MREG: variants seen among roughly 807,000 people sequenced by gnomAD.
The protein encoded by MREG is dilute suppressor protein homolog.
Under a neutral mutation model 28.5 loss-of-function variants are expected in MREG, and 31 were observed. The ratio of observed to expected loss-of-function variants is 1.09; its 90% CI spans 0.82 to 1.47. MREG has a LOEUF of 1.47. Ranked by LOEUF, MREG falls within the 40% of genes most tolerant of loss-of-function variation. The pLI is 0.00. For synonymous variants in MREG, 106 were observed against 95.2 expected (o/e 1.11, Z -0.66); for missense variants, 256 against 257.4 (o/e 0.99, Z 0.04).
chr2:215,996,243 G>T, intron 2 of MREG, 63 bp downstream of exon 2: 1 of 1,475,172 alleles, frequency 6.8e-7, no homozygotes, highest in South Asian at 1.4e-5. Flanking sequence ...GATCTTCTCA[G>T]GAATTACTAT....
Position 216,013,336 on chromosome 2 carries a change from AG to A in MREG, c.-10del, listed in dbSNP as rs140115361. 2.8e-4 allele frequency: 427 copies of A among 1,516,874 alleles called. 3 individuals carry two copies. In the African/African-American group the frequency reaches 5.6e-3, roughly 20 times the overall value. The allele number at this position is 1,516,874 out of a possible 1,614,324, so 94.0% of individuals were successfully genotyped here. On this transcript the variant is annotated 5_prime_UTR_variant, in exon 1 of 5. Transcript: ENST00000263268. ...CAGTCCCTCAGCCCCATGGAGAGCG[AG>A]GGCCCCCACCGGCGCCGGAAGCCTG...
intron 2 of MREG, among the ~76,000 whole-genome samples, chr2:215,984,201 G>A (rs879595266): frequency 1.3e-5 from 2 of 152,132 alleles, no homozygotes; most frequent in Non-Finnish European, 2.9e-5. Flanking sequence ...CAGATCTCAT[G>A]ACACTTATTC....
intron 2 of MREG, among the ~76,000 whole-genome samples, chr2:215,978,354 A>G (rs1295131037): frequency 6.6e-6 from 1 of 152,232 alleles, no homozygotes; most frequent in Non-Finnish European, 1.5e-5. Context: ...ATCTCTGAAT[A>G]GACCACTAAC....
chr2:215,946,896 A>G (rs1692337668), intron 3 of MREG, 127 bp downstream of exon 3: 1 of 632,404 alleles, frequency 1.6e-6, no homozygotes. Flanking sequence ...TGGGAGAATA[A>G]TTAGTACACA....
At chr2:215,950,818 C>T (rs1007863100) in intron 2 of MREG, among the ~76,000 whole-genome samples, 2 of 152,044 alleles carry the variant, frequency 1.3e-5, no homozygotes, top group South Asian at 4.2e-4. Flanking sequence ...GCTCTGTGTC[C>T]CCACCCAAAT....
Position 216,013,273 on chromosome 2 carries a change from A to C in MREG, c.55T>G (p.Leu19Val). 1 of 1,549,814 alleles carries C rather than the reference A, an allele frequency of 6.5e-7. No individual in the cohort carries two copies. Among genetic ancestry groups the C allele is most frequent in the Admixed American group, 2.0e-5 (1 of 50,992 alleles). ...TTCTCAGGCAGGGCGCGCTCCTCCAAGCACTCGCACCCGCAGCAGCAGCAC... is the reference window on the plus strand; with the variant it reads ...TTCTCAGGCAGGGCGCGCTCCTCCACGCACTCGCACCCGCAGCAGCAGCAC... The part of the protein sequence containing the change: ...TVCCCCGCEC[L>V]EERALPEKEP... Residue 19 changes from leucine (L) to valine (V), a missense_variant, in exon 1 of 5, where the codon TTG becomes GTG. Physicochemically the swap from Leu to Val is conservative, Grantham distance 32. Transcript: ENST00000263268.
At position 215,991,444 on chromosome 2, in the gene MREG, G is replaced by C. The variant is rs547316226; in HGVS notation, c.255+4862C>G. Among the ~76,000 whole-genome samples the C allele has an allele frequency of 3.9e-5, 6 of 152,232 alleles. No homozygotes were observed. In the South Asian group the frequency reaches 1.2e-3, roughly 32 times the overall value. On this transcript the variant is annotated intron_variant, in intron 2 of 4. Coordinates refer to ENST00000263268, the MANE Select transcript of MREG (RefSeq NM_018000.3). ...AATGTGCATAGGAGAAAGCAGGAAA[G>C]ACCTAAAATTGACACCCTAACATCA... is the stretch of plus-strand genomic sequence containing the variant.
intron 1 of MREG, among the ~76,000 whole-genome samples, chr2:216,018,847 A>G (rs1236786881): frequency 6.6e-6 from 1 of 152,244 alleles, no homozygotes; most frequent in African/African-American, 2.4e-5. Context: ...TAGGCTGGCT[A>G]TAACAATGAA....
intron 2 of MREG, among the ~76,000 whole-genome samples, chr2:215,972,190 T>G (rs1181678402): frequency 6.6e-6 from 1 of 152,194 alleles, no homozygotes; most frequent in African/African-American, 2.4e-5. Flanking sequence ...ATGATGAGGC[T>G]GCTCCAACTC....
At chr2:215,967,620 C>A (rs1692978185) in intron 2 of MREG, among the ~76,000 whole-genome samples, 2 of 152,150 alleles carry the variant, frequency 1.3e-5, no homozygotes, top group Non-Finnish European at 2.9e-5. Context: ...AAAATTAAAT[C>A]CACACAGTCA....
chr2:216,012,794 T>G (rs996735561), intron 1 of MREG, among the ~76,000 whole-genome samples: 2 of 152,206 alleles, frequency 1.3e-5, no homozygotes, highest in African/African-American at 4.8e-5. Context: ...GGAATCGTCT[T>G]CGTTGGGTAA....
intron 2 of MREG, among the ~76,000 whole-genome samples, chr2:215,951,451 C>T (rs1250856616): frequency 6.6e-6 from 1 of 152,166 alleles, no homozygotes; most frequent in African/African-American, 2.4e-5. Flanking sequence ...TGCAATTCTA[C>T]CAGACATCAA....
chr2:215,968,414 T>C (rs1324545623), intron 2 of MREG, among the ~76,000 whole-genome samples: 1 of 152,218 alleles, frequency 6.6e-6, no homozygotes, highest in Non-Finnish European at 1.5e-5. Flanking sequence ...AAAATACACA[T>C]GAAAGAAAGG....
rs58288878 is a variant in MREG at position 216,005,444 on chromosome 2, C to CTTTTTTT, written c.95+7782_95+7788dup. Among the ~76,000 whole-genome samples the CTTTTTTT allele has an allele frequency of 8.1e-5, 7 of 86,306 alleles. 1 individual carries two copies. Among genetic ancestry groups the CTTTTTTT allele is most frequent in the Non-Finnish European group, 1.7e-4 (7 of 41,436 alleles). 56.6% of individuals were successfully genotyped at this position (86,306 alleles called of 152,430 possible). On this transcript the variant is annotated intron_variant, in intron 1 of 4. Transcript: ENST00000263268. The stretch of plus-strand genomic sequence containing the variant: ...CACGAGTATTCACTTTCTAGTTATT[C>CTTTTTTT]TTTTTTTTTTTTTTTTTTTTTTTTT...
chr2:215,973,588 T>C (rs994791577), intron 2 of MREG, among the ~76,000 whole-genome samples: 2 of 152,184 alleles, frequency 1.3e-5, no homozygotes, highest in South Asian at 2.1e-4. Context: ...CCCTGAGGCA[T>C]GTCCTGGGCT....
At chr2:215,969,351 C>G (rs1290184761) in intron 2 of MREG, among the ~76,000 whole-genome samples, 1 of 152,198 alleles carries the variant, frequency 6.6e-6, no homozygotes, top group Non-Finnish European at 1.5e-5. Context: ...TGATCAACAT[C>G]TGAACCACAA....
intron 2 of MREG, among the ~76,000 whole-genome samples, chr2:215,987,384 T>C (rs1693600995): frequency 6.6e-6 from 1 of 151,958 alleles, no homozygotes; most frequent in Non-Finnish European, 1.5e-5. Context: ...GTAGCTGGAA[T>C]TACAGGTAAG....
intron 1 of MREG, among the ~76,000 whole-genome samples, chr2:216,007,186 C>T (rs1175847977): frequency 1.3e-5 from 2 of 152,192 alleles, no homozygotes; most frequent in Non-Finnish European, 2.9e-5. Flanking sequence ...GGAGATTCTG[C>T]ATTTGCAAAT....
intron 2 of MREG, among the ~76,000 whole-genome samples, chr2:215,975,180 G>A (rs1693222122): frequency 6.6e-6 from 1 of 151,820 alleles, no homozygotes; most frequent in African/African-American, 2.4e-5. Context: ...TTACACAAAT[G>A]GGATAACATT....
Sources: gnomAD v4.1 joint callset for allele counts (sites outside exome capture counted in the v4.1 genomes callset) on GRCh38, gnomAD v4.1.1 for gene constraint, MANE v1.5 for transcripts, NCBI Gene and HGNC (gene_info 2026-07-23, HGNC 2026-07-21) for gene names.